The following HCRTR2 variants were observed in gnomAD, a reference collection of about 807,000 sequenced individuals.
HCRTR2 encodes the protein orexin receptor type 2.
A neutral mutation model predicts 49.0 loss-of-function variants in HCRTR2; 22 were observed. That is an observed-to-expected ratio of 0.45 (90% confidence interval 0.32 to 0.64). The LOEUF (loss-of-function observed/expected upper bound fraction) is 0.64. Among genes scored for constraint, HCRTR2 ranks in the 30% least tolerant of loss-of-function variants. HCRTR2 has a pLI of 0.04. For synonymous variants in HCRTR2, 236 were observed against 205.3 expected (o/e 1.15, Z -1.28); for missense variants, 491 against 559.4 (o/e 0.88, Z 1.23).
At chr6:55,128,180 C>T (rs1581786056) in intron 1 of HCRTR2, among the ~76,000 whole-genome samples, 1 of 152,132 alleles carries the variant, frequency 6.6e-6, no homozygotes, top group African/African-American at 2.4e-5. Flanking sequence ...GAATAGGGAG[C>T]CCTTTCCCCA....
At position 55,165,743 on chromosome 6, in the gene HCRTR2, GAATATATATATA is replaced by G. The variant is rs1205598956; in HGVS notation, c.-377-8467_-377-8456del. Reference sequence around the variant, plus strand: ...GTATTTGTTAAGGGATTAGTATACAGAATATATATATATATATATATATATATATATATATAT... The same window carrying G: ...GTATTTGTTAAGGGATTAGTATACAGTATATATATATATATATATATATAT... On this transcript the variant is annotated intron_variant, in intron 1 of 7. Transcript: ENST00000615358. 7.2e-4 allele frequency among the ~76,000 whole-genome samples: 65 copies of G among 90,220 alleles called. 1 individual carries two copies. Among genetic ancestry groups the G allele is most frequent in the South Asian group, 1.6e-3 (4 of 2,438 alleles). 59.2% of individuals were successfully genotyped at this position (90,220 alleles called of 152,430 possible).
At chr6:55,273,320 A>G (rs1767011056) in intron 4 of HCRTR2, among the ~76,000 whole-genome samples, 1 of 152,114 alleles carries the variant, frequency 6.6e-6, no homozygotes, top group South Asian at 2.1e-4. Flanking sequence ...TGAAATGGGT[A>G]ATAGGTTAAG....
intron 1 of HCRTR2, among the ~76,000 whole-genome samples, chr6:55,220,990 C>G (rs992335519): frequency 6.6e-6 from 1 of 152,000 alleles, no homozygotes. Context: ...TAAGCTTAAC[C>G]AAGGAGGCTA....
chr6:55,125,387 G>C (rs2127241330), intron 1 of HCRTR2, among the ~76,000 whole-genome samples: 1 of 152,250 alleles, frequency 6.6e-6, no homozygotes, highest in Non-Finnish European at 1.5e-5. Flanking sequence ...AGTTTGGCTG[G>C]ATATAAAATT....
rs573835134 is a variant in HCRTR2 at position 55,282,612 on chromosome 6, T to A, written c.*158T>A. ...CTTTGGAAATAAAAAAAAAGTCAGTTTAAAATGATTTCTCAACTTTTGATT... is the reference window on the plus strand; with the variant it reads ...CTTTGGAAATAAAAAAAAAGTCAGTATAAAATGATTTCTCAACTTTTGATT... On this transcript the variant is annotated 3_prime_UTR_variant, in exon 7 of 7. Transcript: ENST00000370862. 1 of 609,152 alleles carries A rather than the reference T, an allele frequency of 1.6e-6. No homozygotes were observed. Among genetic ancestry groups the A allele is most frequent in the Non-Finnish European group, 2.9e-6 (1 of 346,538 alleles). 37.7% of individuals were successfully genotyped at this position (609,152 alleles called of 1,614,324 possible).
At chr6:55,144,305 G>C (rs564843139) in intron 1 of HCRTR2, among the ~76,000 whole-genome samples, 1 of 151,628 alleles carries the variant, frequency 6.6e-6, no homozygotes, top group Non-Finnish European at 1.5e-5. Context: ...TAGTAGGGAC[G>C]GGGTTTCTCC....
chr6:55,128,208 G>A (rs1261158756), intron 1 of HCRTR2, among the ~76,000 whole-genome samples: 2 of 152,004 alleles, frequency 1.3e-5, no homozygotes, highest in East Asian at 1.9e-4. Flanking sequence ...CTTTTGTCCG[G>A]TTTGTCAAAG....
chr6:55,261,277 A>G (rs1766750682), intron 3 of HCRTR2, among the ~76,000 whole-genome samples: 1 of 152,238 alleles, frequency 6.6e-6, no homozygotes, highest in Non-Finnish European at 1.5e-5. Flanking sequence ...AAGTTGGCTA[A>G]GAACATGAAT....
intron 1 of HCRTR2, among the ~76,000 whole-genome samples, chr6:55,124,438 T>C (rs1764245795): frequency 1.3e-5 from 2 of 152,218 alleles, no homozygotes; most frequent in African/African-American, 4.8e-5. Flanking sequence ...ATTGAGTTTC[T>C]TAAGCCTGAG....
intron 3 of HCRTR2, among the ~76,000 whole-genome samples, chr6:55,257,460 T>C (rs1766674607): frequency 6.6e-6 from 1 of 152,110 alleles, no homozygotes; most frequent in Non-Finnish European, 1.5e-5. Flanking sequence ...AGCAGTATTT[T>C]CTCTAATATT....
At chr6:55,150,159 A>C (rs191319304) in intron 1 of HCRTR2, among the ~76,000 whole-genome samples, 1 of 151,924 alleles carries the variant, frequency 6.6e-6, no homozygotes, top group African/African-American at 2.4e-5. Context: ...CATTTTATTA[A>C]GATATTATTG....
intron 3 of HCRTR2, among the ~76,000 whole-genome samples, chr6:55,262,372 G>T (rs1438152415): frequency 1.5e-5 from 2 of 132,116 alleles, no homozygotes; most frequent in Non-Finnish European, 1.5e-5. Context: ...ATGTATTATA[G>T]TTATATATAA....
chr6:55,175,439 G>A (rs1049062447), intron 1 of HCRTR2, among the ~76,000 whole-genome samples: 1 of 152,020 alleles, frequency 6.6e-6, no homozygotes, highest in Non-Finnish European at 1.5e-5. Flanking sequence ...AGAAGGAGGG[G>A]CATCGGAGAA....
chr6:55,174,612 T>TC lies in HCRTR2; in HGVS notation c.32dup (p.Cys12LeufsTer12), dbSNP rs755844571. The TC allele has an allele frequency of 5.6e-6, 9 of 1,613,408 alleles. No homozygotes were observed. The highest frequency in any genetic ancestry group is 2.7e-5 in the African/African-American group (2 of 74,704). ...GATGTCCGGCACCAAATTGGAGGACTCCCCCCCTTGTCGCAACTGGTCATC... is the reference window on the plus strand; with the variant it reads ...GATGTCCGGCACCAAATTGGAGGACTCCCCCCCCTTGTCGCAACTGGTCATC... On this transcript the variant is annotated frameshift_variant, in exon 1 of 7. Coordinates refer to ENST00000370862, the MANE Select transcript of HCRTR2 (RefSeq NM_001384272.1). LOFTEE classifies it high-confidence loss of function.
intron 1 of HCRTR2, among the ~76,000 whole-genome samples, chr6:55,243,422 C>A (rs1450663812): frequency 3.9e-5 from 6 of 152,122 alleles, no homozygotes; most frequent in African/African-American, 1.4e-4. Context: ...TCAGAGGACA[C>A]AGTACATGGC....
In HCRTR2 at chr6:55,256,989, A is replaced by G. The variant is rs576802241; in HGVS notation, c.646+1610A>G. ...TCTGGCCATTTGAACAAAAGTTTAC[A>G]GAGGAACTGCTAACATTCCAGCAGA... On this transcript the variant is annotated intron_variant, in intron 3 of 6. Coordinates refer to ENST00000370862, the MANE Select transcript of HCRTR2 (RefSeq NM_001384272.1). Among the ~76,000 whole-genome samples the G allele has an allele frequency of 5.3e-5, 8 of 152,286 alleles. No homozygotes were observed. The South Asian group carries it at 1.4e-3, about 28-fold the overall frequency.
intron 3 of HCRTR2, among the ~76,000 whole-genome samples, chr6:55,260,274 T>A (rs1004769294): frequency 3.3e-5 from 5 of 152,184 alleles, no homozygotes; most frequent in Non-Finnish European, 5.9e-5. Context: ...ATATAGATTT[T>A]GTCATGAGGA....
chr6:55,195,738 G>A (rs373236229), intron 1 of HCRTR2, among the ~76,000 whole-genome samples: 8 of 152,200 alleles, frequency 5.3e-5, no homozygotes, highest in African/African-American at 1.7e-4. Context: ...TTGGGAGGTC[G>A]AGGTGGGCGG....
At chr6:55,155,993 C>A (rs1764725305) in intron 1 of HCRTR2, among the ~76,000 whole-genome samples, 1 of 151,904 alleles carries the variant, frequency 6.6e-6, no homozygotes. Flanking sequence ...CAGGTACCAT[C>A]CTCACTTGCA....
Sources: gnomAD v4.1 joint callset for allele counts (sites outside exome capture counted in the v4.1 genomes callset) on GRCh38, gnomAD v4.1.1 for gene constraint, MANE v1.5 for transcripts, NCBI Gene and HGNC (gene_info 2026-07-23, HGNC 2026-07-21) for gene names.